The following SLC12A6 variants were observed in gnomAD, a reference collection of about 807,000 sequenced individuals.
SLC12A6 encodes the protein K-Cl cotransporter 3.
In SLC12A6, 66 loss-of-function variants were observed where a neutral mutation model predicts 135.3. The ratio of observed to expected loss-of-function variants is 0.49; its 90% CI spans 0.40 to 0.60. The LOEUF (loss-of-function observed/expected upper bound fraction) is 0.60. Ranked by LOEUF, SLC12A6 falls within the 20% of genes least tolerant of loss-of-function variation. The pLI, the probability that SLC12A6 is intolerant of heterozygous loss-of-function variation, is 0.00. For missense variants in SLC12A6, 1,058 were observed against 1,452.3 expected (o/e 0.73, Z 4.41); for synonymous variants, 513 against 508.8 (o/e 1.01, Z -0.11).
chr15:34,273,107 T>G (rs1201617501), intron 3 of SLC12A6, among the ~76,000 whole-genome samples: 1 of 152,170 alleles, frequency 6.6e-6, no homozygotes, highest in Non-Finnish European at 1.5e-5. Context: ...TCCCAGCACT[T>G]TGAGAGGCCA....
intron 5 of SLC12A6, among the ~76,000 whole-genome samples, chr15:34,258,536 TCTCTA>T (rs1464112597): frequency 2.3e-4 from 35 of 152,338 alleles, no homozygotes; most frequent in African/African-American, 8.2e-4. Context: ...AATTTCAGTC[TCTCTA>T]CTCTGCTTAA....
chr15:34,241,138 T>C lies in SLC12A6; in HGVS notation c.2267+95A>G, dbSNP rs901200137. ...AAACAGGTCCATTATACCAATTCCT[T>C]GAGCCACATATGGTTTCCTTATCCT... On this transcript the variant is annotated intron_variant, in intron 18 of 25. Coordinates refer to ENST00000354181, the MANE Select transcript of SLC12A6 (RefSeq NM_001365088.1). 1.1e-5 allele frequency: 8 copies of C among 758,254 alleles called. No homozygotes were observed. In the Admixed American group the frequency reaches 1.6e-4, roughly 15 times the overall value. The allele number at this position is 758,254 out of a possible 1,614,324, so 47.0% of individuals were successfully genotyped here. A position where few individuals can be genotyped will look rare whatever the true frequency, so the allele number is the denominator to read the frequency against.
chr15:34,301,243 G>A (rs1284778335), intron 2 of SLC12A6, among the ~76,000 whole-genome samples: 2 of 152,024 alleles, frequency 1.3e-5, no homozygotes, highest in African/African-American at 4.8e-5. Context: ...ACCAGGCCCG[G>A]CCTCAACATG....
chr15:34,311,259 G>A (rs1043471471), intron 2 of SLC12A6, among the ~76,000 whole-genome samples: 1 of 152,142 alleles, frequency 6.6e-6, no homozygotes, highest in Admixed American at 6.5e-5. Flanking sequence ...AAGATTTGAG[G>A]AGCAGGGGAG....
chr15:34,236,839 G>T, intron 22 of SLC12A6, 24 bp from the exon 23 acceptor site: 2 of 1,343,024 alleles, frequency 1.5e-6, no homozygotes, highest in South Asian at 1.2e-5. Flanking sequence ...CACATAAAAG[G>T]GGCAAAAAGC....
At chr15:34,310,268 G>A (rs1295457411) in intron 2 of SLC12A6, among the ~76,000 whole-genome samples, 6 of 134,176 alleles carry the variant, frequency 4.5e-5, no homozygotes, top group Admixed American at 7.3e-5. Flanking sequence ...GTGTGTCCCC[G>A]TGTCCAGGCT....
intron 3 of SLC12A6, among the ~76,000 whole-genome samples, chr15:34,267,477 T>C (rs1162040406): frequency 3.3e-5 from 5 of 152,198 alleles, no homozygotes; most frequent in Admixed American, 3.3e-4. Context: ...GGGACTGTCC[T>C]GTGCACTGTA....
At chr15:34,337,865 T>G (rs1239552338), upstream of SLC12A6, 7 of 152,140 alleles carry the variant, frequency 4.6e-5, no homozygotes, top group Non-Finnish European at 8.8e-5. Context: ...AGCAGTTACG[T>G]GACCTGGCCT....
intron 2 of SLC12A6, among the ~76,000 whole-genome samples, chr15:34,301,548 A>C (rs1304635825): frequency 6.6e-6 from 1 of 152,232 alleles, no homozygotes; most frequent in Non-Finnish European, 1.5e-5. Flanking sequence ...AGAAGGAAGA[A>C]AATGGTAATT....
At position 34,252,177 on chromosome 15, in the gene SLC12A6, T is replaced by C; in HGVS notation, c.1326A>G (p.Ile442Met). Residue 442 changes from isoleucine (I) to methionine (M), a missense_variant, in exon 10 of 26, where the codon ATA becomes ATG. Physicochemically the swap from Ile to Met is conservative, Grantham distance 10. Transcript: ENST00000354181. ...AATAACTCCCTAACTTACCTGTAAT[T>C]ATACCACTAGCCAATCCAGGAATGC... ...IQGIPGLASG[I>M]ITENLWSNYL... 9.0e-6 allele frequency: 14 copies of C among 1,554,938 alleles called. No individual in the cohort carries two copies. The highest frequency in any genetic ancestry group is 1.2e-5 in the Non-Finnish European group (14 of 1,126,148).
chr15:34,279,016 T>C (rs779771660), intron 2 of SLC12A6, among the ~76,000 whole-genome samples: 1 of 151,968 alleles, frequency 6.6e-6, no homozygotes, highest in Non-Finnish European at 1.5e-5. Context: ...TTTATTAATA[T>C]ATATAAAAGC....
chr15:34,287,849 T>C (rs1322647311), intron 2 of SLC12A6, among the ~76,000 whole-genome samples: 4 of 152,342 alleles, frequency 2.6e-5, no homozygotes, highest in Non-Finnish European at 5.9e-5. Context: ...GGTAAATTTG[T>C]TTAAGTTCTT....
intron 2 of SLC12A6, chr15:34,318,631 T>C (rs1888823750): frequency 3.1e-6 from 5 of 1,613,422 alleles, no homozygotes; most frequent in Admixed American, 1.7e-5. Flanking sequence ...TCGAAGCCGC[T>C]GCCCCCTCCT....
intron 3 of SLC12A6, among the ~76,000 whole-genome samples, chr15:34,262,355 C>T (rs1036210292): frequency 3.9e-5 from 6 of 152,158 alleles, no homozygotes; most frequent in Non-Finnish European, 5.9e-5. Flanking sequence ...AGACCACCCT[C>T]GCATGCCCTC....
intron 2 of SLC12A6, among the ~76,000 whole-genome samples, chr15:34,322,017 A>G (rs1408576270): frequency 6.6e-6 from 1 of 152,206 alleles, no homozygotes; most frequent in Non-Finnish European, 1.5e-5. Context: ...AGTGATGGTA[A>G]TATTCTACAT....
chr15:34,279,796 T>C, intron 2 of SLC12A6, among the ~76,000 whole-genome samples: 1 of 152,172 alleles, frequency 6.6e-6, no homozygotes, highest in East Asian at 1.9e-4. Flanking sequence ...CCAGAGATAC[T>C]CTATAAGTCA....
chr15:34,292,038 T>C (rs867287879), intron 2 of SLC12A6, among the ~76,000 whole-genome samples: 1 of 152,016 alleles, frequency 6.6e-6, no homozygotes, highest in African/African-American at 2.4e-5. Context: ...TGGTGAGGAG[T>C]TGTGTTTCTT....
chr15:34,326,339 A>G lies in SLC12A6; in HGVS notation c.271+10071T>C, dbSNP rs181052673. 2.9e-3 allele frequency among the ~76,000 whole-genome samples: 440 copies of G among 152,344 alleles called. 1 individual carries two copies. The highest frequency in any genetic ancestry group is 0.01 in the African/African-American group (425 of 41,588). The stretch of plus-strand genomic sequence containing the variant: ...TCATCCATTATGAAATGCTTGCTAG[A>G]TTAAAAACGGGCTCCTAGTCAACAC... On this transcript the variant is annotated intron_variant, in intron 2 of 25. Coordinates refer to ENST00000354181, the MANE Select transcript of SLC12A6 (RefSeq NM_001365088.1).
In SLC12A6 at chr15:34,235,320, T is replaced by C. The variant is rs2140633596; in HGVS notation, c.3228-6A>G. 2 of 1,612,236 alleles carry C rather than the reference T, an allele frequency of 1.2e-6. No homozygotes were observed. The highest frequency in any genetic ancestry group is 1.7e-6 in the Non-Finnish European group (2 of 1,178,554). On this transcript the variant is annotated splice_region_variant and splice_polypyrimidine_tract_variant and intron_variant, in intron 24 of 25. Coordinates refer to ENST00000354181, the MANE Select transcript of SLC12A6 (RefSeq NM_001365088.1). ...GCCTCACATTGGACTGGTCCCTGAG[T>C]GGGGAAGAAATAAAGGTTGTTAAGG...
Sources: allele counts gnomAD v4.1 joint callset (sites outside exome capture counted in the v4.1 genomes callset), GRCh38; gene constraint gnomAD v4.1.1; transcripts MANE v1.5; gene names NCBI Gene and HGNC (gene_info 2026-07-23, HGNC 2026-07-21).